ADRA1A: variants seen among roughly 807,000 people sequenced by gnomAD.
The protein encoded by ADRA1A is adrenoceptor alpha 1A, also known as alpha-1A adrenergic receptor.
ADRA1A carries 31 observed loss-of-function variants against 29.6 expected under a neutral mutation model. That is an observed-to-expected ratio of 1.05 (90% CI 0.79 to 1.41). The LOEUF is 1.41. Ranked by LOEUF, ADRA1A falls within the 40% of genes most tolerant of loss-of-function variation. The probability of loss-of-function intolerance (pLI) is 0.00; values close to 1 mark genes in which losing one functional copy is unlikely to be tolerated. For missense variants in ADRA1A, 619 were observed against 601.1 expected (o/e 1.03, Z -0.31); for synonymous variants, 311 against 254.3 (o/e 1.22, Z -2.12).
At chr8:26,777,430 G>T (rs554742613) in intron 2 of ADRA1A, among the ~76,000 whole-genome samples, 26 of 152,332 alleles carry the variant, frequency 1.7e-4, no homozygotes, top group African/African-American at 6.0e-4. Context: ...CAGGTAGAGA[G>T]GACAAGCTGT....
intron 2 of ADRA1A, among the ~76,000 whole-genome samples, chr8:26,842,464 ACT>A (rs1195451645): frequency 6.6e-6 from 1 of 151,628 alleles, no homozygotes; most frequent in African/African-American, 2.4e-5. Context: ...TATTAATTCC[ACT>A]CTGATTCCTC....
In ADRA1A at chr8:26,825,493, G is replaced by T. The variant is rs546525944; in HGVS notation, c.883+38594C>A. 6.6e-6 allele frequency among the ~76,000 whole-genome samples: 1 copy of T among 152,170 alleles called. No individual in the cohort carries two copies. Among genetic ancestry groups the T allele is most frequent in the South Asian group, 2.1e-4 (1 of 4,806 alleles). ...AACACTTTTCACTGGTCATCGTGGGGCTTCTCATCCCCTAAAGGCCATATT... is the reference window on the plus strand; with the variant it reads ...AACACTTTTCACTGGTCATCGTGGGTCTTCTCATCCCCTAAAGGCCATATT... On this transcript the variant is annotated intron_variant, in intron 2 of 2. Coordinates refer to ENST00000380573, the MANE Select transcript of ADRA1A (RefSeq NM_000680.4). This position sits in a 1 kb window ranked among gnomAD's most constrained non-coding sequence, Gnocchi z 5.7.
At chr8:26,790,414 G>A (rs1054196085) in intron 2 of ADRA1A, among the ~76,000 whole-genome samples, 13 of 152,074 alleles carry the variant, frequency 8.5e-5, no homozygotes, top group Admixed American at 2.6e-4. Flanking sequence ...AGTTGGTCTC[G>A]TAGAAGCAGA....
At chr8:26,820,326 A>G (rs531995089) in intron 2 of ADRA1A, among the ~76,000 whole-genome samples, 2 of 152,354 alleles carry the variant, frequency 1.3e-5, no homozygotes, top group African/African-American at 4.8e-5. Context: ...TCTCCAGGAT[A>G]GATCATATAC....
chr8:26,857,484 C>A (rs1235116419), intron 2 of ADRA1A, among the ~76,000 whole-genome samples: 1 of 152,084 alleles, frequency 6.6e-6, no homozygotes, highest in Non-Finnish European at 1.5e-5. Context: ...CTGGACAACA[C>A]AGCAAGATCC....
chr8:26,832,523 G>A (rs1811056727), intron 2 of ADRA1A, among the ~76,000 whole-genome samples: 1 of 152,148 alleles, frequency 6.6e-6, no homozygotes, highest in Admixed American at 6.5e-5. Flanking sequence ...AAATCAGGTT[G>A]TGGACATGTG....
chr8:26,764,083 T>C (rs138587297), downstream of ADRA1A, among the ~76,000 whole-genome samples: 2,271 of 152,286 alleles, frequency 0.015, 25 homozygotes, highest in Non-Finnish European at 0.021. Flanking sequence ...CTGGGGACTC[T>C]CTGTGCCTCT....
intron 2 of ADRA1A, among the ~76,000 whole-genome samples, chr8:26,839,031 T>C (rs776123253): frequency 6.6e-6 from 1 of 152,212 alleles, no homozygotes; most frequent in Non-Finnish European, 1.5e-5. Context: ...TTTCAATAGA[T>C]ATCAAGATAG....
intron 2 of ADRA1A, among the ~76,000 whole-genome samples, chr8:26,811,084 C>A (rs561136023): frequency 1.3e-5 from 2 of 152,312 alleles, no homozygotes; most frequent in East Asian, 3.9e-4. Context: ...CATAGATGAA[C>A]CTTGGGTGCA....
In ADRA1A at chr8:26,805,957, C is replaced by A. The variant is rs920469795; in HGVS notation, c.884-35291G>T. Among the ~76,000 whole-genome samples the A allele has an allele frequency of 3.9e-5, 6 of 152,174 alleles. No individual in the cohort carries two copies. The highest frequency in any genetic ancestry group is 1.2e-4 in the African/African-American group (5 of 41,440). Reference sequence around the variant, plus strand: ...TTCTATCACTGTTGCAGGTGCAGGCCCCCTCCACACCCACTCTGGAAAGCT... The same window carrying A: ...TTCTATCACTGTTGCAGGTGCAGGCACCCTCCACACCCACTCTGGAAAGCT... On this transcript the variant is annotated intron_variant, in intron 2 of 2. Coordinates refer to ENST00000380573, the MANE Select transcript of ADRA1A (RefSeq NM_000680.4). This position sits in a 1 kb window ranked among gnomAD's most constrained non-coding sequence, Gnocchi z 4.8.
rs369705187 is a variant in ADRA1A, at chr8:26,799,068, A to C, written c.884-28402T>G. 2.6e-5 allele frequency among the ~76,000 whole-genome samples: 4 copies of C among 152,326 alleles called. No homozygotes were observed. The East Asian group carries it at 7.7e-4, about 29-fold the overall frequency. On this transcript the variant is annotated intron_variant, in intron 2 of 2. Coordinates refer to ENST00000380573, the MANE Select transcript of ADRA1A (RefSeq NM_000680.4). ...AACTAAAAAAGCCCCGGATGTTGTC[A>C]AGATTGCATTTGTTTATTTAATGTA...
At chr8:26,758,141 G>A (rs1270599934) in intron 2 of ADRA1A, among the ~76,000 whole-genome samples, 2 of 152,210 alleles carry the variant, frequency 1.3e-5, no homozygotes, top group African/African-American at 4.8e-5. Flanking sequence ...ATAGTGTGGT[G>A]TGGGGAATAA....
At chr8:26,765,743 A>G (rs960623934), downstream of ADRA1A, 13 of 1,068,108 alleles carry the variant, frequency 1.2e-5, no homozygotes, top group Non-Finnish European at 1.5e-5. Context: ...TAATTAAGTC[A>G]ACAAGTATTC....
At chr8:26,794,959 G>T (rs1808093017) in intron 2 of ADRA1A, among the ~76,000 whole-genome samples, 1 of 152,046 alleles carries the variant, frequency 6.6e-6, no homozygotes, top group Non-Finnish European at 1.5e-5. Flanking sequence ...TGTATCCTGT[G>T]TACTATAATA....
chr8:26,752,330 G>A (rs368820113), downstream of ADRA1A, among the ~76,000 whole-genome samples: 3 of 152,318 alleles, frequency 2.0e-5, no homozygotes, highest in East Asian at 5.8e-4. Context: ...TATTTACATA[G>A]TACCAGAGGA....
rs1387476266 is a variant in ADRA1A at position 26,769,948 on chromosome 8, G to A, written c.*201C>T. The A allele has an allele frequency of 4.4e-6, 6 of 1,361,952 alleles. No homozygotes were observed. Among genetic ancestry groups the A allele is most frequent in the Non-Finnish European group, 9.4e-7 (1 of 1,061,502 alleles). 84.4% of individuals were successfully genotyped at this position (1,361,952 alleles called of 1,614,324 possible). On this transcript the variant is annotated 3_prime_UTR_variant, in exon 3 of 3. Transcript: ENST00000380573. ...GGGAAATGCTGTTCCGTATCATTCT[G>A]AACTGGTTGGTTGTGAGACACCCTC... is the stretch of plus-strand genomic sequence containing the variant.
Position 26,851,610 on chromosome 8 carries a change from T to G in ADRA1A, c.883+12477A>C, listed in dbSNP as rs1327292856. On this transcript the variant is annotated intron_variant, in intron 2 of 2. Coordinates refer to ENST00000380573, the MANE Select transcript of ADRA1A (RefSeq NM_000680.4). ...ATATAAAATGGTGAACAAATGTGAA[T>G]AAAAATAGATTAGAGATTGAAATAT... Among the ~76,000 whole-genome samples, 5 of 152,260 alleles carry G rather than the reference T, an allele frequency of 3.3e-5. No homozygotes were observed. The East Asian group carries it at 9.6e-4, about 29-fold the overall frequency.
intron 2 of ADRA1A, among the ~76,000 whole-genome samples, chr8:26,849,037 A>C (rs1416164081): frequency 6.6e-6 from 1 of 152,180 alleles, no homozygotes; most frequent in Non-Finnish European, 1.5e-5. Flanking sequence ...CCTCTTTCTA[A>C]ATTCTCAATC....
intron 2 of ADRA1A, among the ~76,000 whole-genome samples, chr8:26,750,248 C>T (rs1393815034): frequency 6.6e-6 from 1 of 152,116 alleles, no homozygotes; most frequent in Non-Finnish European, 1.5e-5. Flanking sequence ...GTTGCCCAGG[C>T]TGGAGTGCAG....
Sources: gnomAD v4.1 joint callset for allele counts (sites outside exome capture counted in the v4.1 genomes callset) on GRCh38, gnomAD v4.1.1 for gene constraint, Gnocchi (gnomAD v3.1) non-coding constraint, MANE v1.5 for transcripts, NCBI Gene and HGNC (gene_info 2026-07-23, HGNC 2026-07-21) for gene names.